The following NAPB variants were observed in gnomAD, a reference collection of about 807,000 sequenced individuals.
NAPB encodes beta-soluble NSF attachment protein.
Under a neutral mutation model 44.7 loss-of-function variants are expected in NAPB, and 26 were observed. The ratio of observed to expected loss-of-function variants is 0.58; its 90% CI spans 0.43 to 0.81. The LOEUF (loss-of-function observed/expected upper bound fraction) is 0.81, where lower values mean the gene tolerates loss of function less well. Among genes scored for constraint, NAPB ranks in the 30% least tolerant of loss-of-function variants. The pLI, the probability that NAPB is intolerant of heterozygous loss-of-function variation, is 0.00. For missense variants in NAPB, 315 were observed against 356.4 expected, an observed-to-expected ratio of 0.88 and a Z score of 0.94; for synonymous variants, 120 against 116.8, an observed-to-expected ratio of 1.03 and a Z score of -0.18.
rs8119735 is a variant in NAPB at position 23,380,736 on chromosome 20, G to A, written c.666+477C>T. On this transcript the variant is annotated intron_variant, in intron 8 of 10. Coordinates refer to ENST00000377026, the MANE Select transcript of NAPB (RefSeq NM_022080.3). ...AACGGGGTTTCACCATTTTGACCAG[G>A]CTGGTCTCAAACTCCTGACCTCAGG... is the stretch of plus-strand genomic sequence containing the variant. 6.6e-3 allele frequency: 1,009 copies of A among 152,564 alleles called. 13 individuals are homozygous for A. Among genetic ancestry groups the A allele is most frequent in the African/African-American group, 0.023 (955 of 41,420 alleles). The allele number at this position is 152,564 out of a possible 1,614,324, so 9.5% of individuals were successfully genotyped here. A position where few individuals can be genotyped will look rare whatever the true frequency, so the allele number is the denominator to read the frequency against.
chr20:23,382,749 G>A (rs1408537138), intron 7 of NAPB, among the ~76,000 whole-genome samples: 1 of 152,018 alleles, frequency 6.6e-6, no homozygotes, highest in Non-Finnish European at 1.5e-5. Flanking sequence ...GACAACAACA[G>A]GAACAACAGA....
intron 2 of NAPB, among the ~76,000 whole-genome samples, chr20:23,401,313 G>A (rs987080012): frequency 6.6e-6 from 1 of 152,158 alleles, no homozygotes; most frequent in Admixed American, 6.5e-5. Context: ...TGGAACGCTA[G>A]GCACGTGGGA....
chr20:23,418,938 C>T (rs1161773054), intron 1 of NAPB, among the ~76,000 whole-genome samples: 4 of 151,856 alleles, frequency 2.6e-5, no homozygotes, highest in African/African-American at 9.7e-5. Context: ...CAGTGTGAGA[C>T]TCCGTCTCAA....
chr20:23,379,508 A>C lies in NAPB; in HGVS notation c.736-13T>G. The C allele has an allele frequency of 6.3e-7, 1 of 1,597,830 alleles. No homozygotes were observed. The highest frequency in any genetic ancestry group is 8.5e-7 in the Non-Finnish European group (1 of 1,172,128). ...CTTCTAGGAGTTTCTGGTAGCATAA[A>C]AATATTTTAAAAAACAGTTCTGTAA... is the stretch of plus-strand genomic sequence containing the variant. On this transcript the variant is annotated splice_polypyrimidine_tract_variant and intron_variant, in intron 9 of 10. Transcript: ENST00000377026.
intron 7 of NAPB, among the ~76,000 whole-genome samples, chr20:23,385,642 G>A (rs560938508): frequency 6.6e-6 from 1 of 152,150 alleles, no homozygotes; most frequent in South Asian, 2.1e-4. Flanking sequence ...AACCTGGGAG[G>A]TGGAGGGTTG....
intron 1 of NAPB, among the ~76,000 whole-genome samples, chr20:23,420,978 G>A (rs1461487058): frequency 6.6e-6 from 1 of 151,484 alleles, no homozygotes; most frequent in East Asian, 2.0e-4. Context: ...AGGAACCCTG[G>A]GGAGTTCTGC....
intron 1 of NAPB, 93 bp from the exon 2 acceptor site, chr20:23,403,165 T>C: frequency 1.2e-6 from 1 of 864,284 alleles, no homozygotes; most frequent in Non-Finnish European, 1.8e-6. Context: ...ATACTTGCTA[T>C]GTGCCAGACA....
In NAPB at chr20:23,397,128, T is replaced by C; in HGVS notation, c.239A>G (p.Asp80Gly). ...KLHMQLQSKH[D>G]SATSFVDAGN... ...AGCATCCACAAAGCTGGTAGCAGAG[T>C]CATGTTTGCTCTGAAGCTGCATGTG... The change falls in exon 3 of 11, where the codon GAC becomes GGC. Residue 80 changes from aspartate (D) to glycine (G), a missense_variant. This residue lies in a region of NAPB where 179 missense variants were observed against 182.5 expected (regional missense o/e 0.98). Coordinates refer to ENST00000377026, the MANE Select transcript of NAPB (RefSeq NM_022080.3). 1 of 1,613,604 alleles carries C rather than the reference T, an allele frequency of 6.2e-7. No individual in the cohort carries two copies. Among genetic ancestry groups the C allele is most frequent in the Non-Finnish European group, 8.5e-7 (1 of 1,179,622 alleles).
chr20:23,396,953 T>C (rs1374155493), intron 3 of NAPB, 119 bp downstream of exon 3: 8 of 1,088,188 alleles, frequency 7.4e-6, no homozygotes, highest in South Asian at 2.8e-5. Context: ...TATTCCAAAA[T>C]ACAAAAATTC....
chr20:23,378,771 A>G (rs1982738038), intron 10 of NAPB: 1 of 150,436 alleles, frequency 6.6e-6, no homozygotes, highest in Admixed American at 6.6e-5. Context: ...CCACAAATAC[A>G]GCAAATTCTC....
intron 1 of NAPB, among the ~76,000 whole-genome samples, chr20:23,415,305 A>C (rs1985924888): frequency 1.3e-5 from 2 of 152,128 alleles, no homozygotes; most frequent in Non-Finnish European, 2.9e-5. Flanking sequence ...TTCAACTGAA[A>C]ACTCTCTGCG....
intron 2 of NAPB, 50 bp from the exon 3 acceptor site, chr20:23,397,238 C>A (rs1052993742): frequency 3.8e-6 from 6 of 1,572,104 alleles, no homozygotes; most frequent in Non-Finnish European, 5.2e-6. Flanking sequence ...CCCCCCAGAG[C>A]AGCCCATGCT....
rs1315612504 is a variant in NAPB, at chr20:23,397,062, G to C, written c.295+10C>G. On this transcript the variant is annotated intron_variant, in intron 3 of 10. Transcript: ENST00000377026. ...ACAGAGATAGCATGCTACATGCCTG[G>C]CTGTCTTACCTTGGGGATCTGCCTT... 8.7e-6 allele frequency: 14 copies of C among 1,611,210 alleles called. No homozygotes were observed. The highest frequency in any genetic ancestry group is 1.0e-5 in the Non-Finnish European group (12 of 1,177,812).
In NAPB at chr20:23,421,271, C is replaced by G. The variant is rs751856303; in HGVS notation, c.98+34G>C. ...GGAAGGGGGCCAAGTACGGAGACCC[C>G]CCCCCCCCAGGGCACGCACGGTCTG... On this transcript the variant is annotated intron_variant, in intron 1 of 10. Transcript: ENST00000377026. The G allele has an allele frequency of 2.2e-5, 15 of 668,062 alleles. No individual in the cohort carries two copies. In the East Asian group the frequency reaches 5.7e-4, roughly 25 times the overall value. 41.4% of individuals were successfully genotyped at this position (668,062 alleles called of 1,614,324 possible). A position where few individuals can be genotyped will look rare whatever the true frequency, so the allele number is the denominator to read the frequency against.
At chr20:23,387,963 G>A (rs1983654136) in intron 7 of NAPB, among the ~76,000 whole-genome samples, 1 of 152,168 alleles carries the variant, frequency 6.6e-6, no homozygotes. Context: ...CCCAATGTGG[G>A]TGGGCCTCAT....
chr20:23,410,086 A>G (rs1985543674), intron 1 of NAPB, among the ~76,000 whole-genome samples: 1 of 152,216 alleles, frequency 6.6e-6, no homozygotes, highest in South Asian at 2.1e-4. Context: ...TTCTGGGAGA[A>G]GGCAACTTAG....
intron 1 of NAPB, among the ~76,000 whole-genome samples, chr20:23,417,580 T>A (rs868402815): frequency 6.6e-6 from 1 of 152,312 alleles, no homozygotes. Flanking sequence ...TGAAATTAAC[T>A]ACAAAATTCC....
At chr20:23,410,987 C>T (rs1389314038) in intron 1 of NAPB, among the ~76,000 whole-genome samples, 1 of 151,838 alleles carries the variant, frequency 6.6e-6, no homozygotes, top group Non-Finnish European at 1.5e-5. Flanking sequence ...TATAGCATAC[C>T]TAAGGGGAAA....
rs1489052718 is a variant in NAPB, at chr20:23,377,281, A to C, written c.*95T>G. 4 of 693,614 alleles carry C rather than the reference A, an allele frequency of 5.8e-6. No individual in the cohort carries two copies. Among genetic ancestry groups the C allele is most frequent in the Non-Finnish European group, 9.3e-6 (4 of 431,290 alleles). The allele number at this position is 693,614 out of a possible 1,614,324, so 43.0% of individuals were successfully genotyped here. On this transcript the variant is annotated 3_prime_UTR_variant, in exon 11 of 11. Coordinates refer to ENST00000377026, the MANE Select transcript of NAPB (RefSeq NM_022080.3). ...CAGGCCGTCTGGCTCATATGCAACA[A>C]AATTAAGCCATTAAATAGGCATCCC...
Sources: gnomAD v4.1 joint callset for allele counts (sites outside exome capture counted in the v4.1 genomes callset) on GRCh38, gnomAD v4.1.1 for gene constraint, gnomAD v4.1.1 regional missense constraint, MANE v1.5 for transcripts, NCBI Gene and HGNC (gene_info 2026-07-23, HGNC 2026-07-21) for gene names.